The following RPS6KA3 variants were observed in gnomAD, a reference collection of about 807,000 sequenced individuals.
The protein encoded by RPS6KA3 is ribosomal protein S6 kinase alpha-3.
In RPS6KA3, 4 loss-of-function variants were observed where a neutral mutation model predicts 67.2. That is an observed-to-expected ratio of 0.06 (90% CI 0.03 to 0.14). The LOEUF (loss-of-function observed/expected upper bound fraction) is 0.14, where lower values mean the gene tolerates loss of function less well. Ranked by LOEUF, RPS6KA3 falls within the 10% of genes least tolerant of loss-of-function variation. The pLI is 1.00. For missense variants in RPS6KA3, 204 were observed against 559.0 expected (o/e 0.36, Z 6.40); for synonymous variants, 182 against 183.7 (o/e 0.99, Z 0.07).
chrX:20,152,166 T>C lies in RPS6KA3; in HGVS notation c.*3232A>G, dbSNP rs1305054096. 8.9e-6 allele frequency: 1 copy of C among 112,424 alleles called. No individual in the cohort carries two copies. The highest frequency in any genetic ancestry group is 1.9e-5 in the Non-Finnish European group (1 of 53,259). 9.3% of individuals were successfully genotyped at this position (112,424 alleles called of 1,213,427 possible). A position where few individuals can be genotyped will look rare whatever the true frequency, so the allele number is the denominator to read the frequency against. ...CTTCATAGCATCTCAACTTTGGGCC[T>C]TGTCAAAATTATTACATTTTTGGAC... On this transcript the variant is annotated 3_prime_UTR_variant, in exon 22 of 22. Transcript: ENST00000379565.
intron 19 of RPS6KA3, among the ~76,000 whole-genome samples, chrX:20,162,478 T>C (rs1220201711): frequency 9.1e-6 from 1 of 110,028 alleles, no homozygotes; most frequent in Non-Finnish European, 1.9e-5. Context: ...GTGGAATTGT[T>C]ACAGAATTGT....
At chrX:20,162,519 A>T (rs1409374606) in intron 19 of RPS6KA3, among the ~76,000 whole-genome samples, 1 of 108,976 alleles carries the variant, frequency 9.2e-6, no homozygotes, top group Non-Finnish European at 1.9e-5. Context: ...AAACATGGAA[A>T]GATATGACAA....
intron 4 of RPS6KA3, among the ~76,000 whole-genome samples, chrX:20,201,069 G>T (rs1354518859): frequency 1.8e-5 from 2 of 111,915 alleles, no homozygotes; most frequent in Non-Finnish European, 3.8e-5. Flanking sequence ...TCAAGCCTAT[G>T]AATCCTTTTT....
chrX:20,217,902 T>C (rs958382368), intron 2 of RPS6KA3, among the ~76,000 whole-genome samples: 2 of 112,412 alleles, frequency 1.8e-5, no homozygotes, highest in African/African-American at 6.4e-5. Context: ...TAGATTACAA[T>C]CTGACTGAAT....
chrX:20,253,315 G>A (rs1385273452), intron 1 of RPS6KA3, among the ~76,000 whole-genome samples: 1 of 110,726 alleles, frequency 9.0e-6, no homozygotes, highest in African/African-American at 3.3e-5. Context: ...GACTTACTTG[G>A]CTACCTTTCC....
intron 2 of RPS6KA3, among the ~76,000 whole-genome samples, chrX:20,230,743 A>G (rs911188463): frequency 2.7e-5 from 3 of 111,699 alleles, no homozygotes; most frequent in South Asian, 3.8e-4. Context: ...CACAACTGAC[A>G]TAACGTTCAT....
chrX:20,208,996 A>G (rs1425285762), intron 3 of RPS6KA3, among the ~76,000 whole-genome samples: 1 of 111,182 alleles, frequency 9.0e-6, no homozygotes, highest in Non-Finnish European at 1.9e-5. Context: ...AGGCCAGTGT[A>G]TCAAGGGAAT....
chrX:20,232,308 C>CAA (rs2069287981), intron 2 of RPS6KA3, among the ~76,000 whole-genome samples: 1 of 112,686 alleles, frequency 8.9e-6, no homozygotes, highest in African/African-American at 3.2e-5. Context: ...GGCACAGTGG[C>CAA]TCTCGCCTGT....
intron 20 of RPS6KA3, among the ~76,000 whole-genome samples, chrX:20,157,501 C>CAA (rs1197154800): frequency 1.1e-3 from 54 of 49,869 alleles, no homozygotes; most frequent in African/African-American, 2.5e-3. Flanking sequence ...GACCCTGTCT[C>CAA]AAAAAAAAAA....
chrX:20,201,438 A>G (rs753168463), intron 4 of RPS6KA3, among the ~76,000 whole-genome samples: 1 of 111,457 alleles, frequency 9.0e-6, no homozygotes, highest in East Asian at 2.8e-4. Flanking sequence ...TGTGCCCAGC[A>G]AACTTTATTA....
Position 20,234,832 on chromosome X carries a change from AG to A in RPS6KA3, c.70-19del. 1 of 1,176,651 alleles carries A rather than the reference AG, an allele frequency of 8.5e-7. No individual in the cohort carries two copies. Among genetic ancestry groups the A allele is most frequent in the Non-Finnish European group, 1.2e-6 (1 of 864,020 alleles). On this transcript the variant is annotated intron_variant, in intron 1 of 21. Coordinates refer to ENST00000379565, the MANE Select transcript of RPS6KA3 (RefSeq NM_004586.3). ...TGTCCATTCTGTGAAAAGCACAGCA[AG>A]CAGGAAGTTACCAAAACAGACCTCA...
intron 16 of RPS6KA3, among the ~76,000 whole-genome samples, chrX:20,168,916 G>C (rs962243111): frequency 8.9e-6 from 1 of 111,736 alleles, no homozygotes; most frequent in Admixed American, 9.5e-5. Context: ...GCAGTGGTGC[G>C]ATAACTGCTC....
At chrX:20,246,597 T>C (rs746643797) in intron 1 of RPS6KA3, among the ~76,000 whole-genome samples, 7 of 111,753 alleles carry the variant, frequency 6.3e-5, no homozygotes, top group African/African-American at 2.3e-4. Flanking sequence ...AGATACACCA[T>C]TATGCTGGGC....
In RPS6KA3 at chrX:20,167,646, C is replaced by T; in HGVS notation, c.1545G>A (p.Glu515=). 3.3e-6 allele frequency: 4 copies of T among 1,208,933 alleles called. No homozygotes were observed. Among genetic ancestry groups the T allele is most frequent in the Non-Finnish European group, 4.5e-6 (4 of 892,985 alleles). The change falls in exon 17 of 22, where the codon GAG becomes GAA. Residue 515 remains glutamate, a synonymous_variant. Coordinates refer to ENST00000379565, the MANE Select transcript of RPS6KA3 (RefSeq NM_004586.3). ...ILRQKFFSER[E]ASAVLFTITK... The stretch of plus-strand genomic sequence containing the variant: ...TTATAGTGAACAGGACAGCACTGGC[C>T]TCTCGTTCAGAGAAAAATTTTTGTC...
chrX:20,222,206 T>C (rs1002232952), intron 2 of RPS6KA3, among the ~76,000 whole-genome samples: 17 of 111,954 alleles, frequency 1.5e-4, no homozygotes, highest in African/African-American at 4.9e-4. Flanking sequence ...AGATAGGAAT[T>C]AGCTTAATGA....
intron 2 of RPS6KA3, among the ~76,000 whole-genome samples, chrX:20,220,053 T>C (rs2068950301): frequency 9.0e-6 from 1 of 111,499 alleles, no homozygotes; most frequent in South Asian, 3.7e-4. Flanking sequence ...TAGAGCTATC[T>C]ATAATGGGAG....
intron 10 of RPS6KA3, among the ~76,000 whole-genome samples, chrX:20,184,046 CTTTTTTATT>C (rs755222001): frequency 1.4e-4 from 16 of 112,100 alleles, no homozygotes; most frequent in South Asian, 3.7e-4. Context: ...TTTCCTTTTA[CTTTTTTATT>C]TTTTTTATTT....
chrX:20,245,701 T>C (rs1025300049), intron 1 of RPS6KA3, among the ~76,000 whole-genome samples: 3 of 111,963 alleles, frequency 2.7e-5, no homozygotes, highest in African/African-American at 9.8e-5. Flanking sequence ...AAATTACCTA[T>C]GGTTCCTGTT....
intron 20 of RPS6KA3, among the ~76,000 whole-genome samples, chrX:20,159,904 C>T (rs2067268007): frequency 9.0e-6 from 1 of 111,306 alleles, no homozygotes; most frequent in African/African-American, 3.3e-5. Context: ...GCCCACAATC[C>T]TCAGCACGAG....
Sources: allele counts gnomAD v4.1 joint callset (sites outside exome capture counted in the v4.1 genomes callset), GRCh38; gene constraint gnomAD v4.1.1; transcripts MANE v1.5; gene names NCBI Gene and HGNC (gene_info 2026-07-23, HGNC 2026-07-21).